The following MGAM2 variants were observed in gnomAD, a reference collection of about 807,000 sequenced individuals.
MGAM2 encodes the protein maltase-glucoamylase 2 (putative), also known as probable maltase-glucoamylase 2.
MGAM2 carries 98 observed loss-of-function variants against 96.1 expected under a neutral mutation model. That is an observed-to-expected ratio of 1.02 (90% CI 0.87 to 1.21). MGAM2 has a LOEUF of 1.21. MGAM2 is among the 50% of genes most tolerant of loss of function. The pLI, the probability that MGAM2 is intolerant of heterozygous loss-of-function variation, is 0.00. For synonymous variants in MGAM2, 749 were observed against 414.8 expected, an observed-to-expected ratio of 1.81 and a Z score of -9.79; for missense variants, 2,055 against 1,182.4, an observed-to-expected ratio of 1.74 and a Z score of -10.82.
intron 9 of MGAM2, among the ~76,000 whole-genome samples, chr7:142,137,825 C>T (rs150580498): frequency 1.3e-5 from 2 of 152,302 alleles, no homozygotes; most frequent in African/African-American, 4.8e-5. Flanking sequence ...CACAAATCAG[C>T]AAAGCTTATT....
intron 8 of MGAM2, among the ~76,000 whole-genome samples, 186 bp from the exon 9 acceptor site, chr7:142,137,247 T>C (rs373974721): frequency 6.6e-6 from 1 of 152,012 alleles, no homozygotes; most frequent in Non-Finnish European, 1.5e-5. Context: ...CAATTCTTCA[T>C]TGGTGTCTTA....
At chr7:142,165,672 T>G (rs938880462) in intron 24 of MGAM2, among the ~76,000 whole-genome samples, 1 of 152,180 alleles carries the variant, frequency 6.6e-6, no homozygotes, top group Non-Finnish European at 1.5e-5. Context: ...TTCTGTAAAA[T>G]GGAGATAGTC....
At chr7:142,123,902 G>T (rs4628182) in intron 3 of MGAM2, among the ~76,000 whole-genome samples, 17,453 of 148,600 alleles carry the variant, frequency 0.12, 1,199 homozygotes, top group Admixed American at 0.24. Flanking sequence ...TCCTTCAAAT[G>T]TAGGTCTTTT....
Position 142,208,640 on chromosome 7 carries a change from C to T in MGAM2, c.5187+18C>T, listed in dbSNP as rs1052924252. ...CAGCTCAGGTAAGACTAATTTACTA[C>T]ATTTTACAAATCTTTTCCCAGGTGT... On this transcript the variant is annotated intron_variant, in intron 46 of 47. Transcript: ENST00000477922. 4.0e-5 allele frequency: 28 copies of T among 701,598 alleles called. No homozygotes were observed. In the African/African-American group the frequency reaches 4.7e-4, roughly 12 times the overall value. 43.5% of individuals were successfully genotyped at this position (701,598 alleles called of 1,614,324 possible).
intron 40 of MGAM2, among the ~76,000 whole-genome samples, chr7:142,197,053 A>C (rs368393086): frequency 6.6e-6 from 1 of 152,172 alleles, no homozygotes; most frequent in African/African-American, 2.4e-5. Context: ...ATAGTTCCAC[A>C]TGGGGCTAAA....
At chr7:142,198,115 T>G (rs759467389) in intron 42 of MGAM2, 24 bp from the exon 43 acceptor site, 56 of 700,250 alleles carry the variant, frequency 8.0e-5, no homozygotes, top group Non-Finnish European at 1.4e-4. Flanking sequence ...ATATTCATAA[T>G]GACATGTCAA....
chr7:142,132,455 A>G (rs1794918981), intron 6 of MGAM2, among the ~76,000 whole-genome samples: 1 of 140,722 alleles, frequency 7.1e-6, no homozygotes, highest in Non-Finnish European at 1.5e-5. Flanking sequence ...TATTATAATT[A>G]TATTTAAATT....
chr7:142,190,275 T>TC (rs1796830600), intron 37 of MGAM2, among the ~76,000 whole-genome samples: 1 of 128,512 alleles, frequency 7.8e-6, no homozygotes, highest in African/African-American at 3.0e-5. Flanking sequence ...TACTTTTTTT[T>TC]TTTTTTTTTT....
rs1797921649 is a variant in MGAM2 at position 142,221,349 on chromosome 7, A to G, written c.6838A>G (p.Thr2280Ala). The G allele has an allele frequency of 4.8e-6, 3 of 626,082 alleles. No homozygotes were observed. The South Asian group carries it at 5.6e-5, about 12-fold the overall frequency. The allele number at this position is 626,082 out of a possible 1,614,324, so 38.8% of individuals were successfully genotyped here. A position where few individuals can be genotyped will look rare whatever the true frequency, so the allele number is the denominator to read the frequency against. Residue 2280 changes from threonine (T) to alanine (A), a missense_variant, in exon 48 of 48, where the codon ACT becomes GCT. Coordinates refer to ENST00000477922, the MANE Select transcript of MGAM2 (RefSeq NM_001293626.2). Reference protein sequence around the residue: ...TTPSPSTDATTTSNNTNPGMT... With the variant: ...TTPSPSTDATATSNNTNPGMT... ...TCCTTCTCCAAGTACTGATGCTACT[A>G]CTACAAGTAATAATACTAATCCTGG...
intron 14 of MGAM2, among the ~76,000 whole-genome samples, chr7:142,146,573 G>A (rs1006847080): frequency 1.3e-5 from 2 of 152,076 alleles, no homozygotes; most frequent in Non-Finnish European, 2.9e-5. Flanking sequence ...AGGTAGATAC[G>A]GCCCCAGTGA....
intron 3 of MGAM2, 22 bp downstream of exon 3, chr7:142,120,403 T>C (rs1246368495): frequency 2.8e-6 from 2 of 702,460 alleles, no homozygotes; most frequent in African/African-American, 1.7e-5. Context: ...AAGGTCCCTT[T>C]TGGTGGCCTA....
In MGAM2 at chr7:142,194,744, T is replaced by A. The variant is rs183003045; in HGVS notation, c.4347-1410T>A. Among the ~76,000 whole-genome samples the A allele has an allele frequency of 2.3e-4, 35 of 150,240 alleles. 2 individuals carry two copies. In the East Asian group the frequency reaches 3.5e-3, roughly 15 times the overall value. On this transcript the variant is annotated intron_variant, in intron 37 of 47. Transcript: ENST00000477922. ...TGTGTGTGTGTATTTCCATTCATTT[T>A]TGGATTTGTTTTGGTGTGAAAAATT...
rs1425348427 is a variant in MGAM2, at chr7:142,196,191, A to G, written c.4384A>G (p.Ile1462Val). The G allele has an allele frequency of 1.7e-6, 2 of 1,200,860 alleles. No homozygotes were observed. The highest frequency in any genetic ancestry group is 1.3e-5 in the South Asian group (1 of 76,908). The allele number at this position is 1,200,860 out of a possible 1,614,324, so 74.4% of individuals were successfully genotyped here. A position where few individuals can be genotyped will look rare whatever the true frequency, so the allele number is the denominator to read the frequency against. ...QEVTGQRGVI[I>V]TRSTFPSSGR... ...GGTGACAGGACAGCGAGGGGTCATC[A>G]TCACCCGCTCCACATTTCCCTCTTC... The change falls in exon 38 of 48, where the codon ATC becomes GTC. Residue 1462 changes from isoleucine to valine, a missense_variant. Ile to Val is a conservative substitution (Grantham distance 29). Coordinates refer to ENST00000477922, the MANE Select transcript of MGAM2 (RefSeq NM_001293626.2).
At position 142,187,298 on chromosome 7, in the gene MGAM2, A is replaced by C. The variant is rs191908403; in HGVS notation, c.4123-452A>C. 4.2e-3 allele frequency among the ~76,000 whole-genome samples: 646 copies of C among 152,396 alleles called. 3 individuals are homozygous for C. Among genetic ancestry groups the C allele is most frequent in the Admixed American group, 9.8e-3 (150 of 15,310 alleles). ...AGAATTAGTCCAAGCAACTGGACTA[A>C]GAAAAAATAGAGGAAGATAATAGTA... On this transcript the variant is annotated intron_variant, in intron 35 of 47. Coordinates refer to ENST00000477922, the MANE Select transcript of MGAM2 (RefSeq NM_001293626.2).
intron 47 of MGAM2, among the ~76,000 whole-genome samples, chr7:142,218,798 G>A (rs932282684): frequency 6.6e-6 from 1 of 152,128 alleles, no homozygotes; most frequent in Non-Finnish European, 1.5e-5. Context: ...TTACCAAAGA[G>A]ACTGTGCTAT....
At position 142,201,321 on chromosome 7, in the gene MGAM2, C is replaced by T. The variant is rs574389860; in HGVS notation, c.5137+1353C>T. Among the ~76,000 whole-genome samples, 159 of 152,032 alleles carry T rather than the reference C, an allele frequency of 1.0e-3. 1 individual carries two copies. The highest frequency in any genetic ancestry group is 3.6e-3 in the African/African-American group (149 of 41,468). ...TTGGCCTCAAGTGATTCACCCACCT[C>T]GGCCTCCCAAAGTGCTGAGATTACA... On this transcript the variant is annotated intron_variant, in intron 45 of 47. Transcript: ENST00000477922.
In MGAM2 at chr7:142,167,575, C is replaced by T. The variant is rs576947985; in HGVS notation, c.3027+89C>T. On this transcript the variant is annotated intron_variant, in intron 26 of 47. Transcript: ENST00000477922. ...ATAGAAGTCATTGAAACAATTAAAA[C>T]ATTTTTTTTCTTTTCAAGACAGGAT... 25 of 668,158 alleles carry T rather than the reference C, an allele frequency of 3.7e-5. No homozygotes were observed. The East Asian group carries it at 6.5e-4, about 17-fold the overall frequency. 41.4% of individuals were successfully genotyped at this position (668,158 alleles called of 1,614,324 possible).
chr7:142,194,133 A>G (rs1796953882), intron 37 of MGAM2, among the ~76,000 whole-genome samples: 2 of 151,874 alleles, frequency 1.3e-5, no homozygotes, highest in African/African-American at 4.8e-5. Context: ...CCTGGGTTCA[A>G]GCAATTCTCC....
At chr7:142,139,291 A>G (rs1367790524) in intron 10 of MGAM2, among the ~76,000 whole-genome samples, 2 of 152,188 alleles carry the variant, frequency 1.3e-5, no homozygotes, top group Non-Finnish European at 2.9e-5. Flanking sequence ...CAGGAGATGC[A>G]TAACATGTGG....
Sources: gnomAD v4.1 joint callset for allele counts (sites outside exome capture counted in the v4.1 genomes callset) on GRCh38, gnomAD v4.1.1 for gene constraint, MANE v1.5 for transcripts, NCBI Gene and HGNC (gene_info 2026-07-23, HGNC 2026-07-21) for gene names.